DGKD: variants seen among roughly 807,000 people sequenced by gnomAD.
DGKD encodes DAG kinase delta.
A neutral mutation model predicts 154.4 loss-of-function variants in DGKD; 68 were observed. The observed-to-expected ratio is 0.44, with a 90% confidence interval of 0.36 to 0.54. The LOEUF (loss-of-function observed/expected upper bound fraction) is 0.54, where lower values mean the gene tolerates loss of function less well. Among genes scored for constraint, DGKD ranks in the 20% least tolerant of loss-of-function variants. DGKD has a pLI of 0.00. For synonymous variants in DGKD, 693 were observed against 638.0 expected, an observed-to-expected ratio of 1.09 and a Z score of -1.30; for missense variants, 1,343 against 1,593.6, an observed-to-expected ratio of 0.84 and a Z score of 2.68.
chr2:233,419,393 G>A (rs574261450), intron 3 of DGKD: 5 of 985,548 alleles, frequency 5.1e-6, no homozygotes, highest in African/African-American at 3.5e-5. Flanking sequence ...GGAGCAGCTG[G>A]AAACTGTTCT....
At chr2:233,402,897 AGT>A in intron 3 of DGKD, among the ~76,000 whole-genome samples, 1 of 152,300 alleles carries the variant, frequency 6.6e-6, no homozygotes, top group Admixed American at 6.5e-5. Context: ...GGGGTAGGTA[AGT>A]GTGTTCCCTA....
intron 1 of DGKD, among the ~76,000 whole-genome samples, chr2:233,387,735 C>G (rs1348128913): frequency 1.3e-5 from 2 of 152,080 alleles, no homozygotes; most frequent in African/African-American, 2.4e-5. Flanking sequence ...GATGCACACG[C>G]CAGGCCTGTG....
intron 24 of DGKD, among the ~76,000 whole-genome samples, chr2:233,461,231 C>G (rs559947123): frequency 6.6e-6 from 1 of 152,226 alleles, no homozygotes; most frequent in African/African-American, 2.4e-5. Flanking sequence ...ATTCTCCCCC[C>G]GTGGCCGCAC....
intron 3 of DGKD, among the ~76,000 whole-genome samples, chr2:233,406,594 C>G (rs966786091): frequency 6.6e-6 from 1 of 152,206 alleles, no homozygotes; most frequent in Non-Finnish European, 1.5e-5. Context: ...AACCAGGATT[C>G]ATGGCCCCCT....
In DGKD at chr2:233,388,377, C is replaced by CA. The variant is rs762308984; in HGVS notation, c.267+11dup. 16 of 1,609,462 alleles carry CA rather than the reference C, an allele frequency of 9.9e-6. No homozygotes were observed. The highest frequency in any genetic ancestry group is 1.3e-5 in the Non-Finnish European group (15 of 1,178,150). ...TGCCAAAACGGCAAAGGTGAGGCCC[C>CA]ATGCAGGAAAGCACACGCGAGGACA... On this transcript the variant is annotated intron_variant, in intron 2 of 29. Coordinates refer to ENST00000264057, the MANE Select transcript of DGKD (RefSeq NM_152879.3).
Position 233,390,423 on chromosome 2 carries a change from G to A in DGKD, c.288G>A (p.Val96=). 1 of 1,614,002 alleles carries A rather than the reference G, an allele frequency of 6.2e-7. No individual in the cohort carries two copies. The highest frequency in any genetic ancestry group is 8.5e-7 in the Non-Finnish European group (1 of 1,179,948). ...KTAKSIIFDE[V]DLTDASVAES... ...TCTAGTCAATCATATTTGATGAGGT[G>A]GATCTGACAGATGCCAGCGTAGCTG... Residue 96 remains valine (V), a synonymous_variant, in exon 3 of 30, where the codon GTG becomes GTA. Transcript: ENST00000264057.
chr2:233,451,015 G>T lies in DGKD; in HGVS notation c.2132G>T (p.Gly711Val), dbSNP rs2063267629. Reference sequence around the variant, plus strand: ...CCGCCCCAGCCGGGAAGCCGGGACGGCCTGCCTGCGCTCAACACCAAGATC... The same window carrying T: ...CCGCCCCAGCCGGGAAGCCGGGACGTCCTGCCTGCGCTCAACACCAAGATC... ...SLPPQPGSRD[G>V]LPALNTKILY... Residue 711 changes from glycine (G) to valine (V), a missense_variant, in exon 17 of 30, where the codon GGC becomes GTC. Transcript: ENST00000264057. 1 of 1,612,088 alleles carries T rather than the reference G, an allele frequency of 6.2e-7. No homozygotes were observed. The highest frequency in any genetic ancestry group is 1.3e-5 in the African/African-American group (1 of 75,014).
intron 1 of DGKD, among the ~76,000 whole-genome samples, chr2:233,355,048 T>C (rs1307291571): frequency 6.6e-6 from 1 of 151,654 alleles, no homozygotes; most frequent in Non-Finnish European, 1.5e-5. Flanking sequence ...GGCTCCCGGC[T>C]GCGCCCCGCG....
intron 3 of DGKD, among the ~76,000 whole-genome samples, chr2:233,432,593 A>C (rs1373534184): frequency 6.6e-6 from 1 of 152,190 alleles, no homozygotes; most frequent in Non-Finnish European, 1.5e-5. Context: ...CAAGAGGCGG[A>C]GTTTGCAGTG....
chr2:233,459,974 T>G lies in DGKD; in HGVS notation c.2829+83T>G. 1 of 1,498,196 alleles carries G rather than the reference T, an allele frequency of 6.7e-7. No homozygotes were observed. Among genetic ancestry groups the G allele is most frequent in the South Asian group, 1.4e-5 (1 of 73,222 alleles). The allele number at this position is 1,498,196 out of a possible 1,614,324, so 92.8% of individuals were successfully genotyped here. ...GTGTGCACTGTTAAGAGCTGGAGCT[T>G]TTTGTGTTTTGTTCTAGGATTTTTT... On this transcript the variant is annotated intron_variant, in intron 23 of 29. Coordinates refer to ENST00000264057, the MANE Select transcript of DGKD (RefSeq NM_152879.3). This position sits in a 1 kb window ranked among gnomAD's most constrained non-coding sequence, Gnocchi z 5.7.
chr2:233,368,315 G>C (rs1702138180), intron 1 of DGKD, among the ~76,000 whole-genome samples: 1 of 152,054 alleles, frequency 6.6e-6, no homozygotes, highest in South Asian at 2.1e-4. Flanking sequence ...TTCGAGACCA[G>C]CCTGGCCGAT....
chr2:233,362,343 A>C (rs1367816133), intron 1 of DGKD, among the ~76,000 whole-genome samples: 1 of 152,158 alleles, frequency 6.6e-6, no homozygotes, highest in Non-Finnish European at 1.5e-5. Flanking sequence ...AAAATTGAGG[A>C]GACACAATAT....
At chr2:233,454,682 G>T in intron 18 of DGKD, 81 bp from the exon 19 acceptor site, 1 of 804,308 alleles carries the variant, frequency 1.2e-6, no homozygotes, top group Non-Finnish European at 2.1e-6. Context: ...CCCCAAGGAA[G>T]AGAAATGCTG....
At chr2:233,422,653 A>G (rs970546726) in intron 3 of DGKD, among the ~76,000 whole-genome samples, 1 of 152,176 alleles carries the variant, frequency 6.6e-6, no homozygotes, top group Admixed American at 6.5e-5. Flanking sequence ...CTGCCCACAT[A>G]CGCCCTTGTC....
At chr2:233,423,303 C>G (rs2062181126) in intron 3 of DGKD, among the ~76,000 whole-genome samples, 1 of 152,098 alleles carries the variant, frequency 6.6e-6, no homozygotes. Flanking sequence ...ATATGCTAGT[C>G]ACATGCTTGG....
chr2:233,467,260 C>G (rs536729482), intron 28 of DGKD, 57 bp downstream of exon 28: 1 of 1,246,660 alleles, frequency 8.0e-7, no homozygotes. Context: ...GGATCGGCCC[C>G]GTTCCCCTGG....
intron 26 of DGKD, chr2:233,463,814 T>G: frequency 3.3e-6 from 1 of 304,778 alleles, no homozygotes; most frequent in South Asian, 4.1e-5. Flanking sequence ...TGCTGCCTCC[T>G]GCAAGGTTCG....
At chr2:233,366,008 T>A (rs55664157) in intron 1 of DGKD, among the ~76,000 whole-genome samples, 16,705 of 152,014 alleles carry the variant, frequency 0.11, 1,192 homozygotes, top group South Asian at 0.33. Flanking sequence ...TATAGAAGAA[T>A]GAGGAGGAGG....
intron 18 of DGKD, among the ~76,000 whole-genome samples, chr2:233,453,435 G>T (rs1160765586): frequency 6.6e-6 from 1 of 152,196 alleles, no homozygotes; most frequent in Non-Finnish European, 1.5e-5. Context: ...CAGGCACTTG[G>T]TCTTCCCCCT....
Sources: allele counts gnomAD v4.1 joint callset (sites outside exome capture counted in the v4.1 genomes callset), GRCh38; gene constraint gnomAD v4.1.1; non-coding constraint Gnocchi (gnomAD v3.1); transcripts MANE v1.5; gene names NCBI Gene and HGNC (gene_info 2026-07-23, HGNC 2026-07-21).